The following ERBB4 variants were observed in gnomAD, a reference collection of about 807,000 sequenced individuals.
The protein encoded by ERBB4 is erb-b2 receptor tyrosine kinase 4.
A neutral mutation model predicts 158.0 loss-of-function variants in ERBB4; 42 were observed. The observed-to-expected ratio is 0.27, with a 90% CI of 0.21 to 0.34. The LOEUF (loss-of-function observed/expected upper bound fraction) is 0.34. ERBB4 is among the 10% of genes least tolerant of loss of function. The pLI is 1.00. For synonymous variants in ERBB4, 583 were observed against 558.7 expected (o/e 1.04, Z -0.61); for missense variants, 1,333 against 1,624.1 (o/e 0.82, Z 3.08).
chr2:212,118,198 C>A (rs780732906), intron 2 of ERBB4, among the ~76,000 whole-genome samples: 1 of 152,102 alleles, frequency 6.6e-6, no homozygotes, highest in African/African-American at 2.4e-5. Context: ...GTAGGCTAAA[C>A]GTAAATATTT....
At position 211,928,543 on chromosome 2, in the gene ERBB4, C is replaced by A. The variant is rs1360763194; in HGVS notation, c.421+18887G>T. On this transcript the variant is annotated intron_variant, in intron 3 of 27. Coordinates refer to ENST00000342788, the MANE Select transcript of ERBB4 (RefSeq NM_005235.3). ...CTTTTGTGTGCAAACAGAAGTTTAG[C>A]AGCATGCTTTCTTCCTGGGAGGAAG... 9.9e-5 allele frequency among the ~76,000 whole-genome samples: 15 copies of A among 152,138 alleles called. No homozygotes were observed. In the East Asian group the frequency reaches 1.5e-3, roughly 16 times the overall value.
chr2:211,478,353 T>C (rs1021434252), intron 20 of ERBB4, among the ~76,000 whole-genome samples: 1 of 152,150 alleles, frequency 6.6e-6, no homozygotes, highest in Admixed American at 6.6e-5. Context: ...TAGTTTAATG[T>C]CTCTATATTC....
chr2:211,546,827 C>T (rs1235482806), intron 20 of ERBB4, among the ~76,000 whole-genome samples: 1 of 151,948 alleles, frequency 6.6e-6, no homozygotes, highest in African/African-American at 2.4e-5. Flanking sequence ...TATTGTATGC[C>T]CATTTTAGCG....
intron 2 of ERBB4, among the ~76,000 whole-genome samples, chr2:211,966,442 G>C (rs1575447018): frequency 6.6e-6 from 1 of 151,844 alleles, no homozygotes; most frequent in South Asian, 2.1e-4. Context: ...GGGTTTCACT[G>C]TGTTGGCCAG....
At chr2:211,483,186 C>A (rs565855119) in intron 20 of ERBB4, among the ~76,000 whole-genome samples, 26 of 151,584 alleles carry the variant, frequency 1.7e-4, no homozygotes, top group Middle Eastern at 3.4e-3. Flanking sequence ...GAAAAAATAA[C>A]ACAGAAAATA....
At chr2:211,717,544 T>G (rs1288361188) in intron 7 of ERBB4, among the ~76,000 whole-genome samples, 2 of 152,118 alleles carry the variant, frequency 1.3e-5, no homozygotes, top group African/African-American at 4.8e-5. Flanking sequence ...AATCTACCCC[T>G]CTCGGCCTGG....
At chr2:211,658,674 GT>G (rs1461028550) in intron 15 of ERBB4, among the ~76,000 whole-genome samples, 2 of 152,046 alleles carry the variant, frequency 1.3e-5, no homozygotes, top group Non-Finnish European at 2.9e-5. Flanking sequence ...ACAAAAACAA[GT>G]TTTTAAACTA....
At chr2:211,912,386 A>C (rs550801103) in intron 3 of ERBB4, among the ~76,000 whole-genome samples, 1 of 151,982 alleles carries the variant, frequency 6.6e-6, no homozygotes, top group Admixed American at 6.6e-5. Flanking sequence ...AAATGTTCTC[A>C]TCAAAAAATT....
rs566512102 is a variant in ERBB4, at chr2:211,552,199, T to C, written c.2487+9704A>G. Among the ~76,000 whole-genome samples the C allele has an allele frequency of 2.6e-5, 4 of 151,878 alleles. No homozygotes were observed. The South Asian group carries it at 8.3e-4, about 31-fold the overall frequency. Reference sequence around the variant, plus strand: ...ATGGATATTCAAGGTAATTTGGTGATAACGTAGAGTTGGAAATGAAAAAAA... The same window carrying C: ...ATGGATATTCAAGGTAATTTGGTGACAACGTAGAGTTGGAAATGAAAAAAA... On this transcript the variant is annotated intron_variant, in intron 20 of 27. Transcript: ENST00000342788.
chr2:211,586,328 A>G (rs1051204820), intron 19 of ERBB4, among the ~76,000 whole-genome samples: 2 of 152,198 alleles, frequency 1.3e-5, no homozygotes, highest in East Asian at 3.8e-4. Context: ...GAACTTAAGA[A>G]GTGAAAGTCA....
At chr2:212,263,502 T>C (rs1050659269) in intron 1 of ERBB4, among the ~76,000 whole-genome samples, 5 of 152,122 alleles carry the variant, frequency 3.3e-5, no homozygotes, top group Non-Finnish European at 2.9e-5. Flanking sequence ...ATGCACCAAA[T>C]TGCGTTTTTG....
intron 2 of ERBB4, among the ~76,000 whole-genome samples, chr2:212,022,739 G>A (rs1054792175): frequency 1.1e-4 from 16 of 152,018 alleles, no homozygotes; most frequent in Non-Finnish European, 2.1e-4. Flanking sequence ...CTGGGTTTGA[G>A]TTTTATTTGT....
At chr2:212,186,823 C>T (rs1296883320) in intron 1 of ERBB4, among the ~76,000 whole-genome samples, 2 of 151,968 alleles carry the variant, frequency 1.3e-5, no homozygotes, top group Admixed American at 6.6e-5. Flanking sequence ...CGATAAAATA[C>T]GTCAACATGT....
chr2:212,061,830 G>A (rs2077779570), intron 2 of ERBB4, among the ~76,000 whole-genome samples: 1 of 151,244 alleles, frequency 6.6e-6, no homozygotes, highest in African/African-American at 2.4e-5. Flanking sequence ...CCACCTCCTG[G>A]GTTCTAGCAA....
chr2:211,761,130 G>A (rs2106240052), intron 4 of ERBB4, among the ~76,000 whole-genome samples: 1 of 149,274 alleles, frequency 6.7e-6, no homozygotes, highest in South Asian at 2.1e-4. Context: ...GGGAATCAGA[G>A]GTTGCAGTGA....
intron 5 of ERBB4, among the ~76,000 whole-genome samples, chr2:211,745,794 C>T (rs555674617): frequency 6.8e-6 from 1 of 146,954 alleles, no homozygotes; most frequent in African/African-American, 2.5e-5. Context: ...TAATGATATT[C>T]TGAAAGATGA....
chr2:211,507,252 T>G (rs1209944596), intron 20 of ERBB4, among the ~76,000 whole-genome samples: 1 of 152,094 alleles, frequency 6.6e-6, no homozygotes, highest in Non-Finnish European at 1.5e-5. Context: ...CAGGACCAGA[T>G]GGATTCATAG....
chr2:212,152,849 A>C (rs924283322), intron 1 of ERBB4, among the ~76,000 whole-genome samples: 8 of 152,312 alleles, frequency 5.3e-5, no homozygotes, highest in African/African-American at 1.4e-4. Flanking sequence ...AAGAATGCTG[A>C]GTTATGACAT....
At chr2:211,514,292 T>C (rs2125623186) in intron 20 of ERBB4, among the ~76,000 whole-genome samples, 1 of 152,232 alleles carries the variant, frequency 6.6e-6, no homozygotes. Flanking sequence ...TTCTTGGAGT[T>C]ATTGAAAGTA....
Sources: allele counts gnomAD v4.1 joint callset (sites outside exome capture counted in the v4.1 genomes callset), GRCh38; gene constraint gnomAD v4.1.1; transcripts MANE v1.5; gene names NCBI Gene and HGNC (gene_info 2026-07-23, HGNC 2026-07-21).